Variants in ATXN8OS observed in about 807,000 individuals in gnomAD.
ATXN8OS encodes the protein ATXN8 opposite strand lncRNA.
intron 4 of ATXN8OS, among the ~76,000 whole-genome samples, chr13:70,161,634 A>C (rs1361952923): frequency 6.6e-6 from 1 of 152,070 alleles, no homozygotes; most frequent in South Asian, 2.1e-4. Context: ...ACACTAAATA[A>C]TTATTTGATT....
chr13:70,167,830 G>A (rs1283329690), intron 4 of ATXN8OS, among the ~76,000 whole-genome samples: 4 of 141,268 alleles, frequency 2.8e-5, no homozygotes, highest in African/African-American at 1.1e-4. Flanking sequence ...CCGCCTCCTG[G>A]GTTCACGCCA....
intron 4 of ATXN8OS, among the ~76,000 whole-genome samples, chr13:70,154,164 A>T (rs1423916738): frequency 6.6e-6 from 1 of 152,170 alleles, no homozygotes; most frequent in African/African-American, 2.4e-5. Flanking sequence ...CACATATTTT[A>T]AAAATAATGC....
intron 2 of ATXN8OS, among the ~76,000 whole-genome samples, chr13:70,125,528 G>A (rs747188469): frequency 1.3e-5 from 2 of 152,040 alleles, no homozygotes; most frequent in Non-Finnish European, 2.9e-5. Flanking sequence ...TTGTTTGTTC[G>A]AATTGACACT....
intron 1 of ATXN8OS, among the ~76,000 whole-genome samples, chr13:70,112,920 AT>A (rs759144765): frequency 3.4e-3 from 302 of 87,556 alleles, no homozygotes; most frequent in Non-Finnish European, 5.0e-3. Flanking sequence ...TATATATATA[AT>A]TTTTTTTTTT....
chr13:70,131,569 T>C (rs1336577092), intron 3 of ATXN8OS: 6 of 398,072 alleles, frequency 1.5e-5, no homozygotes, highest in African/African-American at 4.1e-5. Flanking sequence ...GCTTCTTTCC[T>C]CCACATTAAA....
chr13:70,118,709 G>C (rs1026192853), intron 2 of ATXN8OS, among the ~76,000 whole-genome samples: 3 of 151,890 alleles, frequency 2.0e-5, no homozygotes, highest in Non-Finnish European at 4.4e-5. Flanking sequence ...TTATAAAATA[G>C]ACTTAAAATT....
intron 4 of ATXN8OS, among the ~76,000 whole-genome samples, chr13:70,148,909 C>G (rs117304153): frequency 6.6e-6 from 1 of 152,104 alleles, no homozygotes; most frequent in Admixed American, 6.6e-5. Context: ...ATTTCTGTCT[C>G]AAATGCAAGT....
intron 4 of ATXN8OS, among the ~76,000 whole-genome samples, chr13:70,149,135 G>A (rs1228970670): frequency 1.3e-5 from 2 of 152,006 alleles, no homozygotes; most frequent in African/African-American, 4.8e-5. Flanking sequence ...AATATTAATT[G>A]TTTTGCAGTT....
At chr13:70,113,531 G>T (rs906690657) in intron 1 of ATXN8OS, among the ~76,000 whole-genome samples, 42 of 151,958 alleles carry the variant, frequency 2.8e-4, no homozygotes, top group African/African-American at 9.9e-4. Flanking sequence ...ATCACTGTGG[G>T]GTAAGGTGAG....
At chr13:70,149,694 A>G (rs1460170245) in intron 4 of ATXN8OS, among the ~76,000 whole-genome samples, 1 of 152,134 alleles carries the variant, frequency 6.6e-6, no homozygotes, top group Non-Finnish European at 1.5e-5. Context: ...CTGGAATAAC[A>G]ACAGCATGCC....
intron 1 of ATXN8OS, among the ~76,000 whole-genome samples, chr13:70,109,341 G>C (rs113128263): frequency 6.6e-6 from 1 of 152,180 alleles, no homozygotes; most frequent in African/African-American, 2.4e-5. Context: ...AAAGGGACCA[G>C]AAATGCAATG....
At chr13:70,108,809 C>G (rs1888149490) in intron 1 of ATXN8OS, among the ~76,000 whole-genome samples, 1 of 152,178 alleles carries the variant, frequency 6.6e-6, no homozygotes, top group Admixed American at 6.5e-5. Context: ...TAACCTTTAG[C>G]CTTAGTTTCT....
chr13:70,136,938 T>G (rs1434886673), intron 3 of ATXN8OS, among the ~76,000 whole-genome samples: 2 of 152,104 alleles, frequency 1.3e-5, no homozygotes, highest in Admixed American at 1.3e-4. Flanking sequence ...ACAGACAAGA[T>G]TCCAGTGTTT....
intron 4 of ATXN8OS, among the ~76,000 whole-genome samples, chr13:70,159,179 T>TTC (rs146118015): frequency 6.8e-4 from 18 of 26,584 alleles, no homozygotes; most frequent in South Asian, 4.0e-3. Flanking sequence ...ACCACTTCCA[T>TTC]TCTCTCTCTC....
chr13:70,170,654 AAAT>A lies in ATXN8OS; in HGVS notation n.1481_1483del, dbSNP rs1466197338. On this transcript the variant is annotated non_coding_transcript_exon_variant, in exon 5 of 5. Transcript: ENST00000678624. ...CTGCAGGTTTTTATGATATGCGAAT[AAAT>A]AATAAGTGTGAAAACAATTTTTAAA... 7.2e-5 allele frequency among the ~76,000 whole-genome samples: 11 copies of A among 152,294 alleles called. 1 individual carries two copies. The highest frequency in any genetic ancestry group is 2.2e-4 in the African/African-American group (9 of 41,588).
intron 4 of ATXN8OS, among the ~76,000 whole-genome samples, chr13:70,161,351 T>A (rs960265794): frequency 2.0e-5 from 3 of 152,082 alleles, no homozygotes; most frequent in Admixed American, 1.3e-4. Flanking sequence ...TTAACATAAA[T>A]TTTTTTCACC....
At chr13:70,107,736 G>T (rs763743600), upstream of ATXN8OS, 2 of 1,460,964 alleles carry the variant, frequency 1.4e-6, no homozygotes, top group Admixed American at 2.4e-5. Flanking sequence ...GGCAGCTCAC[G>T]CAGGAGTAGG....
exon 5 of ATXN8OS, among the ~76,000 whole-genome samples, chr13:70,170,468 G>C (rs1037864040): frequency 6.6e-5 from 10 of 152,074 alleles, no homozygotes; most frequent in African/African-American, 2.4e-4. Flanking sequence ...AGTCTGCTTT[G>C]GGAGCAGGGA....
exon 5 of ATXN8OS, among the ~76,000 whole-genome samples, chr13:70,171,632 C>T (rs1226895330): frequency 6.6e-6 from 1 of 152,020 alleles, no homozygotes. Context: ...TTGTAGTTGA[C>T]TGAAACATTG....
Sources: gnomAD v4.1 joint callset for allele counts (sites outside exome capture counted in the v4.1 genomes callset) on GRCh38, gnomAD v4.1.1 for gene constraint, MANE v1.5 for transcripts, NCBI Gene and HGNC (gene_info 2026-07-23, HGNC 2026-07-21) for gene names.